The following PDZRN3 variants were observed in gnomAD, a reference collection of about 807,000 sequenced individuals.
PDZRN3 encodes the protein E3 ubiquitin-protein ligase PDZRN3.
Under a neutral mutation model 85.7 loss-of-function variants are expected in PDZRN3, and 38 were observed. The observed-to-expected ratio is 0.44, with a 90% CI of 0.34 to 0.58. The LOEUF (loss-of-function observed/expected upper bound fraction) is 0.58, where lower values mean the gene tolerates loss of function less well. Among genes scored for constraint, PDZRN3 ranks in the 20% least tolerant of loss-of-function variants. The pLI is 0.01. For synonymous variants in PDZRN3, 759 were observed against 638.0 expected (o/e 1.19, Z -2.86); for missense variants, 1,629 against 1,506.4 (o/e 1.08, Z -1.35).
chr3:73,567,426 C>G (rs1242669185), intron 3 of PDZRN3, among the ~76,000 whole-genome samples: 3 of 152,032 alleles, frequency 2.0e-5, no homozygotes, highest in Non-Finnish European at 4.4e-5. Flanking sequence ...AATAAAAGTT[C>G]AAAATCATGA....
chr3:73,385,634 G>T (rs1420082909), intron 9 of PDZRN3, 35 bp downstream of exon 9: 4 of 1,270,568 alleles, frequency 3.1e-6, no homozygotes, highest in Non-Finnish European at 4.6e-6. Flanking sequence ...CAGCTCAGCA[G>T]GGCAGAGTGT....
intron 3 of PDZRN3, among the ~76,000 whole-genome samples, chr3:73,441,643 G>A (rs561185203): frequency 1.4e-4 from 21 of 152,226 alleles, no homozygotes; most frequent in Admixed American, 3.3e-4. Context: ...ATTTGCCCAA[G>A]AGCACACAGC....
chr3:73,489,998 C>T (rs532853766), intron 3 of PDZRN3, among the ~76,000 whole-genome samples: 87 of 152,286 alleles, frequency 5.7e-4, no homozygotes, highest in African/African-American at 2.0e-3. Context: ...TGGAATCAGC[C>T]AAGTTACTTA....
chr3:73,471,225 T>C (rs1703332800), intron 3 of PDZRN3, among the ~76,000 whole-genome samples: 1 of 151,736 alleles, frequency 6.6e-6, no homozygotes. Context: ...GGCATTGGAG[T>C]GGTGCATCTT....
rs374021387 is a variant in PDZRN3 at position 73,453,419 on chromosome 3, A to C, written c.919-49024T>G. Among the ~76,000 whole-genome samples, 506 of 133,568 alleles carry C rather than the reference A, an allele frequency of 3.8e-3. 4 individuals are homozygous for C. Among genetic ancestry groups the C allele is most frequent in the Middle Eastern group, 0.019 (5 of 262 alleles). 87.6% of individuals were successfully genotyped at this position (133,568 alleles called of 152,430 possible). On this transcript the variant is annotated intron_variant, in intron 3 of 9. Coordinates refer to ENST00000263666, the MANE Select transcript of PDZRN3 (RefSeq NM_015009.3). ...GACTTCGTCTCAAAAAAAAAAAAAAAAAAACAAAAAAAAAAAACAAAGAAA... is the reference window on the plus strand; with the variant it reads ...GACTTCGTCTCAAAAAAAAAAAAAACAAAACAAAAAAAAAAAACAAAGAAA...
chr3:73,592,964 C>T (rs958677335), intron 3 of PDZRN3, among the ~76,000 whole-genome samples: 1 of 152,126 alleles, frequency 6.6e-6, no homozygotes, highest in Non-Finnish European at 1.5e-5. Context: ...CCCTAGCGCT[C>T]GCTCATGTTA....
chr3:73,432,376 AGGTC>A (rs1387141719), intron 3 of PDZRN3, among the ~76,000 whole-genome samples: 1 of 152,252 alleles, frequency 6.6e-6, no homozygotes, highest in Non-Finnish European at 1.5e-5. Flanking sequence ...GTGAAGTCAC[AGGTC>A]GGAAATGTAT....
intron 3 of PDZRN3, among the ~76,000 whole-genome samples, chr3:73,465,983 A>T (rs559250091): frequency 6.6e-6 from 1 of 152,350 alleles, no homozygotes; most frequent in African/African-American, 2.4e-5. Context: ...AAATAAAAAC[A>T]GATACTGAAG....
Position 73,383,626 on chromosome 3 carries a change from C to T in PDZRN3, c.2940G>A (p.Gln980=), listed in dbSNP as rs1448703193. The change falls in exon 10 of 10, where the codon CAG becomes CAA. Residue 980 remains glutamine, a synonymous_variant. Coordinates refer to ENST00000263666, the MANE Select transcript of PDZRN3 (RefSeq NM_015009.3). ...GCTGCTCCTTGGCCTTCACCAGGTG[C>T]TGCTTCCTCTCCTCCTTGCTCCAGT... The part of the protein sequence containing the change: ...GRYWSKEERK[Q]HLVKAKEQRR... The T allele has an allele frequency of 6.2e-7, 1 of 1,613,882 alleles. No homozygotes were observed. Among genetic ancestry groups the T allele is most frequent in the East Asian group, 2.2e-5 (1 of 44,858 alleles).
chr3:73,562,504 T>C (rs116182447), intron 3 of PDZRN3, among the ~76,000 whole-genome samples: 1,665 of 152,282 alleles, frequency 0.011, 46 homozygotes, highest in African/African-American at 0.038. Flanking sequence ...ACACAAAGTA[T>C]ATCATTACTA....
chr3:73,563,779 T>C lies in PDZRN3; in HGVS notation c.918+38575A>G, dbSNP rs115479871. On this transcript the variant is annotated intron_variant, in intron 3 of 9. Transcript: ENST00000263666. ...ACATGCTTAATAAACTCTTACAACA[T>C]CCTATGAGGTATAATTATCATTCTA... is the stretch of plus-strand genomic sequence containing the variant. 7.5e-3 allele frequency among the ~76,000 whole-genome samples: 1,149 copies of C among 152,238 alleles called. 12 individuals carry two copies. Among genetic ancestry groups the C allele is most frequent in the African/African-American group, 0.027 (1,109 of 41,522 alleles).
chr3:73,446,190 A>C (rs543844950), intron 3 of PDZRN3, among the ~76,000 whole-genome samples: 1 of 151,936 alleles, frequency 6.6e-6, no homozygotes, highest in East Asian at 1.9e-4. Context: ...CCCCGTCAGC[A>C]CTCTGAGTTC....
At chr3:73,558,344 G>C (rs141586088) in intron 3 of PDZRN3, among the ~76,000 whole-genome samples, 2 of 152,172 alleles carry the variant, frequency 1.3e-5, no homozygotes, top group East Asian at 1.9e-4. Context: ...TTTCTTCTAA[G>C]GTCTAAGTAT....
At chr3:73,482,823 G>C (rs947498812) in intron 3 of PDZRN3, among the ~76,000 whole-genome samples, 6 of 152,192 alleles carry the variant, frequency 3.9e-5, no homozygotes, top group Admixed American at 6.5e-5. Flanking sequence ...TCTGAGGACA[G>C]GCCACAACCT....
intron 1 of PDZRN3, among the ~76,000 whole-genome samples, chr3:73,609,403 C>T (rs375997035): frequency 2.6e-5 from 4 of 152,146 alleles, no homozygotes; most frequent in African/African-American, 9.7e-5. Flanking sequence ...TCAAAGGCAA[C>T]AGAGATGCCA....
At chr3:73,585,679 T>C (rs748721286) in intron 3 of PDZRN3, among the ~76,000 whole-genome samples, 7 of 152,178 alleles carry the variant, frequency 4.6e-5, no homozygotes, top group Non-Finnish European at 8.8e-5. Flanking sequence ...GGAAATTCTG[T>C]GACAACAACA....
intron 3 of PDZRN3, among the ~76,000 whole-genome samples, chr3:73,534,783 A>G (rs1208890374): frequency 6.6e-6 from 1 of 152,206 alleles, no homozygotes; most frequent in Non-Finnish European, 1.5e-5. Flanking sequence ...CCTTTACGGA[A>G]CTGAGGCTCA....
chr3:73,432,801 C>T (rs1308056073), intron 3 of PDZRN3, among the ~76,000 whole-genome samples: 1 of 151,972 alleles, frequency 6.6e-6, no homozygotes, highest in South Asian at 2.1e-4. Flanking sequence ...AAAAGAAAAC[C>T]TTAGCTGGAT....
At chr3:73,462,035 T>G (rs1410769007) in intron 3 of PDZRN3, among the ~76,000 whole-genome samples, 1 of 152,248 alleles carries the variant, frequency 6.6e-6, no homozygotes, top group East Asian at 1.9e-4. Context: ...ATCTCTCATG[T>G]TTCACATTGA....
Sources: gnomAD v4.1 joint callset for allele counts (sites outside exome capture counted in the v4.1 genomes callset) on GRCh38, gnomAD v4.1.1 for gene constraint, MANE v1.5 for transcripts, NCBI Gene and HGNC (gene_info 2026-07-23, HGNC 2026-07-21) for gene names.